The following MMP16 variants were observed in gnomAD, a reference collection of about 807,000 sequenced individuals.
MMP16 encodes matrix metallopeptidase 16, also known as matrix metalloproteinase-16.
Under a neutral mutation model 67.8 loss-of-function variants are expected in MMP16, and 12 were observed. The ratio of observed to expected loss-of-function variants is 0.18; its 90% CI spans 0.11 to 0.29. The LOEUF (loss-of-function observed/expected upper bound fraction) is 0.29, where lower values mean the gene tolerates loss of function less well. Ranked by LOEUF, MMP16 falls within the 10% of genes least tolerant of loss-of-function variation. MMP16 has a pLI of 1.00. For missense variants in MMP16, 475 were observed against 765.7 expected, an observed-to-expected ratio of 0.62 and a Z score of 4.48; for synonymous variants, 249 against 255.9, an observed-to-expected ratio of 0.97 and a Z score of 0.26.
At chr8:88,236,584 C>T (rs1449781247) in intron 1 of MMP16, among the ~76,000 whole-genome samples, 6 of 151,948 alleles carry the variant, frequency 3.9e-5, no homozygotes, top group East Asian at 1.9e-4. Context: ...GACAAAACCT[C>T]GTCTCTACAA....
chr8:88,154,843 T>C (rs572716743), intron 4 of MMP16, among the ~76,000 whole-genome samples: 1 of 147,322 alleles, frequency 6.8e-6, no homozygotes, highest in Non-Finnish European at 1.5e-5. Flanking sequence ...AATGTGCACA[T>C]GTACCCTAAA....
At chr8:88,062,895 T>C (rs1178746789) in intron 7 of MMP16, among the ~76,000 whole-genome samples, 1 of 152,106 alleles carries the variant, frequency 6.6e-6, no homozygotes, top group Admixed American at 6.6e-5. Context: ...CATATTTGAC[T>C]TTTTTTACTG....
At chr8:88,059,488 C>T (rs77621483) in intron 7 of MMP16, among the ~76,000 whole-genome samples, 6,122 of 152,046 alleles carry the variant, frequency 0.04, 384 homozygotes, top group African/African-American at 0.14. Context: ...ATCTGAATAC[C>T]TTTCTTATTT....
chr8:88,131,128 C>T (rs945214065), intron 4 of MMP16, among the ~76,000 whole-genome samples: 1 of 151,734 alleles, frequency 6.6e-6, no homozygotes, highest in East Asian at 2.0e-4. Context: ...GACGTAATCA[C>T]CCCAGATAGC....
chr8:88,289,540 G>A lies in MMP16; in HGVS notation c.132+37535C>T, dbSNP rs919289918. On this transcript the variant is annotated intron_variant, in intron 1 of 9. Transcript: ENST00000286614. ...ACATCTACACATACACGCACACAAA[G>A]CATTTTTGCAATATAGTCATTTCAT... 2.0e-5 allele frequency among the ~76,000 whole-genome samples: 3 copies of A among 152,174 alleles called. No homozygotes were observed. In the East Asian group the frequency reaches 5.8e-4, roughly 29 times the overall value.
chr8:88,218,825 A>T (rs540940696), intron 1 of MMP16, among the ~76,000 whole-genome samples: 5 of 152,194 alleles, frequency 3.3e-5, no homozygotes, highest in African/African-American at 1.2e-4. Flanking sequence ...TTAAAATCTA[A>T]AGTAAACTAC....
chr8:88,052,853 G>A (rs1330469426), intron 8 of MMP16, among the ~76,000 whole-genome samples: 1 of 152,140 alleles, frequency 6.6e-6, no homozygotes, highest in Non-Finnish European at 1.5e-5. Flanking sequence ...CTTAACAAGT[G>A]AGGCCTTCTC....
intron 4 of MMP16, among the ~76,000 whole-genome samples, chr8:88,141,074 T>C (rs1808203399): frequency 6.6e-6 from 1 of 152,122 alleles, no homozygotes; most frequent in Non-Finnish European, 1.5e-5. Context: ...CCAAATTAAG[T>C]GAAAGGTACT....
intron 1 of MMP16, among the ~76,000 whole-genome samples, chr8:88,321,965 T>C (rs1586019544): frequency 1.3e-5 from 2 of 152,326 alleles, no homozygotes; most frequent in East Asian, 1.9e-4. Flanking sequence ...GGACACGATA[T>C]GTTTTTCACT....
At chr8:88,162,315 C>T (rs1422880998) in intron 4 of MMP16, among the ~76,000 whole-genome samples, 4 of 151,842 alleles carry the variant, frequency 2.6e-5, no homozygotes, top group African/African-American at 7.3e-5. Context: ...AAATGAAGCT[C>T]ATTCCAGGAA....
intron 4 of MMP16, among the ~76,000 whole-genome samples, chr8:88,156,345 C>T (rs545495443): frequency 7.2e-4 from 108 of 150,672 alleles, no homozygotes; most frequent in African/African-American, 2.5e-3. Context: ...CTTATGCCCA[C>T]AGTCTTCTTT....
intron 1 of MMP16, among the ~76,000 whole-genome samples, chr8:88,250,773 T>C (rs1271476446): frequency 6.6e-6 from 1 of 151,714 alleles, no homozygotes; most frequent in Non-Finnish European, 1.5e-5. Flanking sequence ...TTTTCTTTTT[T>C]TTTTTAATTT....
At chr8:88,068,410 T>A (rs188142158) in intron 7 of MMP16, among the ~76,000 whole-genome samples, 13 of 152,248 alleles carry the variant, frequency 8.5e-5, no homozygotes, top group African/African-American at 3.1e-4. Flanking sequence ...AATTGTCTGA[T>A]ATATCAATTT....
At chr8:88,174,392 A>G (rs1218263255) in intron 3 of MMP16, among the ~76,000 whole-genome samples, 1 of 152,184 alleles carries the variant, frequency 6.6e-6, no homozygotes, top group Non-Finnish European at 1.5e-5. Context: ...GATAAAAGTT[A>G]TATTACTCAA....
intron 7 of MMP16, among the ~76,000 whole-genome samples, chr8:88,068,387 G>A (rs2664345): frequency 0.78 from 118,314 of 152,016 alleles, 46,240 homozygotes; most frequent in African/African-American, 0.85. Context: ...GTCTTTGAAG[G>A]GTAGAATTTT....
chr8:88,187,976 A>G (rs1232292623), intron 2 of MMP16, among the ~76,000 whole-genome samples: 1 of 152,184 alleles, frequency 6.6e-6, no homozygotes, highest in Non-Finnish European at 1.5e-5. Flanking sequence ...TATGGAATTG[A>G]GCTCTCAGGA....
chr8:88,259,675 A>G (rs1456454225), intron 1 of MMP16, among the ~76,000 whole-genome samples: 1 of 152,196 alleles, frequency 6.6e-6, no homozygotes, highest in Non-Finnish European at 1.5e-5. Flanking sequence ...CCCAACCATT[A>G]GGACTATAAC....
At chr8:88,113,532 A>G (rs548535543) in intron 6 of MMP16, among the ~76,000 whole-genome samples, 2 of 152,040 alleles carry the variant, frequency 1.3e-5, no homozygotes, top group South Asian at 4.1e-4. Context: ...AAATATGAAA[A>G]ATAATGATGT....
intron 3 of MMP16, among the ~76,000 whole-genome samples, chr8:88,182,822 GTGAA>G (rs71277980): frequency 0.46 from 69,919 of 151,580 alleles, 17,383 homozygotes; most frequent in Non-Finnish European, 0.58. Flanking sequence ...GCTTCAATAA[GTGAA>G]TGAATAAATA....
Sources: allele counts gnomAD v4.1 joint callset (sites outside exome capture counted in the v4.1 genomes callset), GRCh38; gene constraint gnomAD v4.1.1; transcripts MANE v1.5; gene names NCBI Gene and HGNC (gene_info 2026-07-23, HGNC 2026-07-21).